Variants in ZBED4 observed in about 807,000 individuals in gnomAD.
ZBED4 encodes zinc finger BED-type containing 4, also known as zinc finger BED domain-containing protein 4.
ZBED4 carries 4 observed loss-of-function variants against 15.5 expected under a neutral mutation model. That is an observed-to-expected ratio of 0.26 (90% confidence interval 0.13 to 0.59). The LOEUF (loss-of-function observed/expected upper bound fraction) is 0.59, where lower values mean the gene tolerates loss of function less well. ZBED4 is among the 20% of genes least tolerant of loss of function. The pLI is 0.90. For missense variants in ZBED4, 1,323 were observed against 1,461.8 expected (o/e 0.91, Z 1.55); for synonymous variants, 692 against 608.5 (o/e 1.14, Z -2.02).
intron 1 of ZBED4, among the ~76,000 whole-genome samples, chr22:49,857,998 G>A (rs1038798873): frequency 1.3e-5 from 2 of 151,920 alleles, no homozygotes; most frequent in Admixed American, 6.6e-5. Context: ...TCCTGATCTC[G>A]TGATCCGTCC....
intron 1 of ZBED4, among the ~76,000 whole-genome samples, chr22:49,872,987 C>T (rs567395598): frequency 2.0e-5 from 3 of 152,282 alleles, no homozygotes; most frequent in Admixed American, 6.5e-5. Context: ...TGAACTACCG[C>T]GCCCAGCCAA....
chr22:49,881,056 C>A (rs1011691063), intron 1 of ZBED4, among the ~76,000 whole-genome samples: 2 of 152,298 alleles, frequency 1.3e-5, no homozygotes, highest in East Asian at 1.9e-4. Flanking sequence ...AAAAATGTTT[C>A]ATTTTCTGGC....
At position 49,886,547 on chromosome 22, in the gene ZBED4, A is replaced by T; in HGVS notation, c.2885A>T (p.His962Leu). 1 of 1,562,850 alleles carries T rather than the reference A, an allele frequency of 6.4e-7. No individual in the cohort carries two copies. The highest frequency in any genetic ancestry group is 8.7e-7 in the Non-Finnish European group (1 of 1,153,604). ...STLSQVIPMV[H>L]ILNRKVEMLF... ...CTCAGCCAGGTCATCCCCATGGTAC[A>T]CATCCTCAACAGGAAGGTGGAGATG... Residue 962 changes from histidine (H) to leucine (L), a missense_variant, in exon 2 of 2, where the codon CAC becomes CTC. This residue lies in a region of ZBED4 where 312 missense variants were observed against 410.7 expected (regional missense o/e 0.76). Transcript: ENST00000216268. The surrounding 1 kb of genome is among the most constrained non-coding windows in gnomAD (Gnocchi z 7.7).
chr22:49,880,712 C>T (rs1190989004), intron 1 of ZBED4, among the ~76,000 whole-genome samples: 1 of 152,152 alleles, frequency 6.6e-6, no homozygotes, highest in Non-Finnish European at 1.5e-5. Flanking sequence ...TTTATTTATT[C>T]CTGATTCTTT....
chr22:49,880,344 G>A (rs565862151), intron 1 of ZBED4, among the ~76,000 whole-genome samples: 1 of 152,360 alleles, frequency 6.6e-6, no homozygotes, highest in South Asian at 2.1e-4. Context: ...ATGCAGATCA[G>A]TATTCAGCCA....
chr22:49,878,313 A>AAAC, intron 1 of ZBED4, among the ~76,000 whole-genome samples: 1 of 151,906 alleles, frequency 6.6e-6, no homozygotes, highest in East Asian at 1.9e-4. Flanking sequence ...AAAAAAAAAA[A>AAAC]AAAAAAGTCT....
chr22:49,872,285 C>G (rs1307119232), intron 1 of ZBED4, among the ~76,000 whole-genome samples: 1 of 152,174 alleles, frequency 6.6e-6, no homozygotes, highest in East Asian at 1.9e-4. Context: ...AAACTAGTTT[C>G]TTTGCTCATC....
intron 1 of ZBED4, among the ~76,000 whole-genome samples, chr22:49,867,939 G>A (rs2060329548): frequency 1.3e-5 from 2 of 152,184 alleles, no homozygotes; most frequent in Non-Finnish European, 2.9e-5. Context: ...TTGTCATAAA[G>A]TGTTGAATAT....
rs189319417 is a variant in ZBED4 at position 49,875,513 on chromosome 22, C to T, written c.-329-7821C>T. Among the ~76,000 whole-genome samples the T allele has an allele frequency of 2.4e-3, 365 of 151,982 alleles. 14 individuals are homozygous for T. The East Asian group carries it at 0.052, about 22-fold the overall frequency. On this transcript the variant is annotated intron_variant, in intron 1 of 1. Transcript: ENST00000216268. ...TTGGCTCACTGCAGCCTCCACCTCC[C>T]GGGTTCCAGGGATTCTCCTGCCTCA... is the stretch of plus-strand genomic sequence containing the variant.
chr22:49,860,348 A>G (rs1480316700), intron 1 of ZBED4, among the ~76,000 whole-genome samples: 1 of 152,170 alleles, frequency 6.6e-6, no homozygotes, highest in East Asian at 1.9e-4. Flanking sequence ...GTTTTACTTA[A>G]TTTCTTTGAT....
chr22:49,864,947 C>CGCCCCG (rs1357242822), intron 1 of ZBED4, among the ~76,000 whole-genome samples: 1 of 91,732 alleles, frequency 1.1e-5, no homozygotes, highest in Non-Finnish European at 1.9e-5. Flanking sequence ...GCCCCCCCCC[C>CGCCCCG]CCCCCGTGAA....
rs1601794642 is a variant in ZBED4, at chr22:49,875,116, TCAAG to T, written c.-329-8217_-329-8214del. Among the ~76,000 whole-genome samples, 3 of 152,348 alleles carry T rather than the reference TCAAG, an allele frequency of 2.0e-5. No homozygotes were observed. The East Asian group carries it at 5.8e-4, about 29-fold the overall frequency. Reference sequence around the variant, plus strand: ...ATTTTTTTTCTGTGCTCATAGGGTATCAAGTTGTTTCTTTTATTGTAATGTCTTT... The same window carrying T: ...ATTTTTTTTCTGTGCTCATAGGGTATTTGTTTCTTTTATTGTAATGTCTTT... On this transcript the variant is annotated intron_variant, in intron 1 of 1. Transcript: ENST00000216268.
rs563193694 is a variant in ZBED4 at position 49,860,222 on chromosome 22, C to T, written c.-330+6233C>T. On this transcript the variant is annotated intron_variant, in intron 1 of 1. Transcript: ENST00000216268. ...GCTGAGGTGGGAGGATCACTTGAGCCTGGGAGGTTGAGGCTGTGGTAAGCT... is the reference window on the plus strand; with the variant it reads ...GCTGAGGTGGGAGGATCACTTGAGCTTGGGAGGTTGAGGCTGTGGTAAGCT... Among the ~76,000 whole-genome samples, 4 of 151,932 alleles carry T rather than the reference C, an allele frequency of 2.6e-5. No individual in the cohort carries two copies. In the South Asian group the frequency reaches 8.3e-4, roughly 32 times the overall value.
chr22:49,867,586 C>T (rs1342287458), intron 1 of ZBED4, among the ~76,000 whole-genome samples: 2 of 152,210 alleles, frequency 1.3e-5, no homozygotes, highest in East Asian at 3.8e-4. Context: ...CCCTCCTCTG[C>T]TTTGCAGATG....
intron 1 of ZBED4, among the ~76,000 whole-genome samples, chr22:49,860,791 T>A (rs1236310912): frequency 6.6e-6 from 1 of 151,632 alleles, no homozygotes; most frequent in Admixed American, 6.6e-5. Context: ...TTTTTTTTTT[T>A]TTTTTGAGAC....
chr22:49,887,189 G>A lies in ZBED4; in HGVS notation c.*11G>A, dbSNP rs202037365. 37 of 1,595,100 alleles carry A rather than the reference G, an allele frequency of 2.3e-5. No homozygotes were observed. In the East Asian group the frequency reaches 4.2e-4, roughly 18 times the overall value. On this transcript the variant is annotated 3_prime_UTR_variant, in exon 2 of 2. Coordinates refer to ENST00000216268, the MANE Select transcript of ZBED4 (RefSeq NM_014838.3). ...TACTTTCAGTATTGAAACTCACGACGGCACCACTAGGCCAGAGGCGTGGCT... is the reference window on the plus strand; with the variant it reads ...TACTTTCAGTATTGAAACTCACGACAGCACCACTAGGCCAGAGGCGTGGCT...
Position 49,886,716 on chromosome 22 carries a change from G to A in ZBED4, c.3054G>A (p.Thr1018=), listed in dbSNP as rs759764876. ...LDPRYKASLF[T]EEEAEQYKQD... ...CTCGCTACAAGGCCTCCCTGTTTAC[G>A]GAGGAGGAGGCGGAGCAGTACAAAC... The change falls in exon 2 of 2, where the codon ACG becomes ACA. Residue 1018 remains threonine, a synonymous_variant. Transcript: ENST00000216268. The surrounding 1 kb of genome is among the most constrained non-coding windows in gnomAD (Gnocchi z 7.7). 66 of 1,613,180 alleles carry A rather than the reference G, an allele frequency of 4.1e-5. No homozygotes were observed. Among genetic ancestry groups the A allele is most frequent in the Admixed American group, 1.8e-4 (11 of 59,900 alleles).
At chr22:49,866,472 T>C (rs1002803667) in intron 1 of ZBED4, among the ~76,000 whole-genome samples, 7 of 152,188 alleles carry the variant, frequency 4.6e-5, no homozygotes, top group African/African-American at 1.7e-4. Context: ...TCTTCTTTTT[T>C]AGGTCTTCAT....
At position 49,887,236 on chromosome 22, in the gene ZBED4, A is replaced by G. The variant is rs2060445236; in HGVS notation, c.*58A>G. 1.3e-6 allele frequency: 2 copies of G among 1,542,462 alleles called. No individual in the cohort carries two copies. The highest frequency in any genetic ancestry group is 2.8e-5 in the African/African-American group (2 of 72,674). ...GGCTGCCCCAGCGTTAGCAGCCTGTACCAGGTCTATGACCCGCTCTGCCCA... is the reference window on the plus strand; with the variant it reads ...GGCTGCCCCAGCGTTAGCAGCCTGTGCCAGGTCTATGACCCGCTCTGCCCA... On this transcript the variant is annotated 3_prime_UTR_variant, in exon 2 of 2. Coordinates refer to ENST00000216268, the MANE Select transcript of ZBED4 (RefSeq NM_014838.3).
Sources: gnomAD v4.1 joint callset for allele counts (sites outside exome capture counted in the v4.1 genomes callset) on GRCh38, gnomAD v4.1.1 for gene constraint, gnomAD v4.1.1 regional missense constraint, Gnocchi (gnomAD v3.1) non-coding constraint, MANE v1.5 for transcripts, NCBI Gene and HGNC (gene_info 2026-07-23, HGNC 2026-07-21) for gene names.